Variants in OSBPL9 observed in about 807,000 individuals in gnomAD.
OSBPL9 encodes the protein oxysterol-binding protein-related protein 9.
In OSBPL9, 40 loss-of-function variants were observed where a neutral mutation model predicts 106.6. That is an observed-to-expected ratio of 0.38 (90% CI 0.29 to 0.49). The LOEUF is 0.49. Ranked by LOEUF, OSBPL9 falls within the 20% of genes least tolerant of loss-of-function variation. The probability of loss-of-function intolerance (pLI) is 0.97; values close to 1 mark genes in which losing one functional copy is unlikely to be tolerated. For synonymous variants in OSBPL9, 269 were observed against 295.4 expected (o/e 0.91, Z 0.92); for missense variants, 609 against 887.2 (o/e 0.69, Z 3.98).
At chr1:51,756,675 A>C (rs1670404851) in intron 9 of OSBPL9, 1 of 243,444 alleles carries the variant, frequency 4.1e-6, no homozygotes, top group African/African-American at 2.2e-5. Flanking sequence ...TTCTTGTCTA[A>C]TTTCTATTTT....
chr1:51,559,367 C>T, the OSBPL9 span, among the ~76,000 whole-genome samples: 5 of 151,940 alleles, frequency 3.3e-5, no homozygotes, highest in Non-Finnish European at 7.4e-5. Flanking sequence ...AAAACATGCT[C>T]GCAAGGGTAA....
chr1:51,640,771 A>G (rs1645738239), intron 1 of OSBPL9, among the ~76,000 whole-genome samples: 1 of 151,980 alleles, frequency 6.6e-6, no homozygotes, highest in African/African-American at 2.4e-5. Context: ...TCTGAAAGAT[A>G]GGGTGGGAAT....
chr1:51,586,810 G>A (rs1443969649), intron 1 of OSBPL9, among the ~76,000 whole-genome samples: 2 of 152,106 alleles, frequency 1.3e-5, no homozygotes, highest in South Asian at 4.1e-4. Context: ...TGCAGGTAAG[G>A]GACTACTGGT....
At chr1:51,553,293 TTGAACC>T in the OSBPL9 span, among the ~76,000 whole-genome samples, 1 of 152,222 alleles carries the variant, frequency 6.6e-6, no homozygotes, top group Middle Eastern at 3.4e-3. Flanking sequence ...GGTGGATTGC[TTGAACC>T]CAGGAGTTAC....
intron 1 of OSBPL9, among the ~76,000 whole-genome samples, chr1:51,628,506 C>T (rs1644906550): frequency 6.6e-6 from 1 of 151,552 alleles, no homozygotes; most frequent in African/African-American, 2.4e-5. Context: ...ATTGCTTGAA[C>T]CCGGGAGGTG....
intron 3 of OSBPL9, among the ~76,000 whole-genome samples, chr1:51,674,254 T>C (rs907731459): frequency 6.6e-6 from 1 of 151,834 alleles, no homozygotes; most frequent in Non-Finnish European, 1.5e-5. Context: ...TAATAAAAAA[T>C]TTTTATTGTA....
upstream of OSBPL9, among the ~76,000 whole-genome samples, chr1:51,614,098 T>C (rs553195525): frequency 1.3e-5 from 2 of 152,266 alleles, no homozygotes; most frequent in East Asian, 1.9e-4. Flanking sequence ...TTCTTGAAGA[T>C]GCCAAACGTC....
the OSBPL9 span, among the ~76,000 whole-genome samples, chr1:51,540,456 A>G: frequency 9.2e-5 from 14 of 151,822 alleles, no homozygotes; most frequent in Non-Finnish European, 2.9e-5. Context: ...AGAGAGCAAG[A>G]CCATCCTGGC....
intron 4 of OSBPL9, among the ~76,000 whole-genome samples, chr1:51,736,557 A>T (rs928207461): frequency 2.6e-5 from 4 of 152,146 alleles, no homozygotes; most frequent in Admixed American, 6.5e-5. Context: ...TCATAATCAA[A>T]TTTTCAAGAA....
intron 2 of OSBPL9, among the ~76,000 whole-genome samples, chr1:51,598,668 C>T (rs766106315): frequency 4.6e-5 from 7 of 152,162 alleles, no homozygotes; most frequent in Non-Finnish European, 1.0e-4. Context: ...GGAATGGCTG[C>T]TCTAGGCACT....
chr1:51,575,274 C>T (rs1417079267), upstream of OSBPL9, among the ~76,000 whole-genome samples: 1 of 152,134 alleles, frequency 6.6e-6, no homozygotes, highest in Non-Finnish European at 1.5e-5. Context: ...GATCTCGGCT[C>T]ACTGCAACCT....
chr1:51,782,441 A>AAT (rs916792591), intron 16 of OSBPL9, 118 bp from the exon 17 acceptor site: 18 of 663,140 alleles, frequency 2.7e-5, no homozygotes, highest in Middle Eastern at 3.2e-4. Flanking sequence ...CTACAATAGA[A>AAT]ATATATATAT....
chr1:51,773,083 A>C (rs1406398945), intron 14 of OSBPL9, among the ~76,000 whole-genome samples: 1 of 152,060 alleles, frequency 6.6e-6, no homozygotes, highest in Non-Finnish European at 1.5e-5. Context: ...TCTCTATGCA[A>C]ATTGGACACA....
chr1:51,729,792 G>A lies in OSBPL9; in HGVS notation c.318+15713G>A, dbSNP rs1263600615. The A allele has an allele frequency of 1.6e-6, 2 of 1,232,274 alleles. No individual in the cohort carries two copies. Among genetic ancestry groups the A allele is most frequent in the Non-Finnish European group, 2.0e-6 (2 of 980,286 alleles). The allele number at this position is 1,232,274 out of a possible 1,614,324, so 76.3% of individuals were successfully genotyped here. A position where few individuals can be genotyped will look rare whatever the true frequency, so the allele number is the denominator to read the frequency against. Reference sequence around the variant, plus strand: ...TCGGGGCGACCCCTCCGCCGGGGAGGGGACGGGAAAGGGGTGGGGGGTGAA... The same window carrying A: ...TCGGGGCGACCCCTCCGCCGGGGAGAGGACGGGAAAGGGGTGGGGGGTGAA... On this transcript the variant is annotated intron_variant, in intron 4 of 23. Coordinates refer to ENST00000428468, the MANE Select transcript of OSBPL9 (RefSeq NM_024586.6). The surrounding 1 kb of genome is among the most constrained non-coding windows in gnomAD (Gnocchi z 5.1).
chr1:51,598,160 A>G (rs907935450), exon 2 of OSBPL9: 1 of 152,260 alleles, frequency 6.6e-6, no homozygotes, highest in African/African-American at 2.4e-5. Flanking sequence ...AGGATATACA[A>G]CTGACAAGTA....
chr1:51,563,161 G>A, the OSBPL9 span, among the ~76,000 whole-genome samples: 2 of 152,170 alleles, frequency 1.3e-5, no homozygotes, highest in African/African-American at 4.8e-5. Flanking sequence ...AGTAAGCCGA[G>A]ATCACGTCAC....
At chr1:51,656,947 G>A (rs1235853701) in intron 2 of OSBPL9, among the ~76,000 whole-genome samples, 1 of 151,990 alleles carries the variant, frequency 6.6e-6, no homozygotes, top group East Asian at 1.9e-4. Flanking sequence ...CAAAGCATTG[G>A]AAATTACAGG....
rs1678397192 is a variant in OSBPL9, at chr1:51,789,056, CTCCTACAGTAACCCTGGGTT to C, written c.*1269_*1288del. ...CATTCTGCTAATTTTCCTTTGCCAGCTCCTACAGTAACCCTGGGTTTATTAGTCTCAACAAAGGATAAAAA... is the reference window on the plus strand; with the variant it reads ...CATTCTGCTAATTTTCCTTTGCCAGCTATTAGTCTCAACAAAGGATAAAAA... On this transcript the variant is annotated 3_prime_UTR_variant, in exon 24 of 24. Transcript: ENST00000428468. 3 of 658,552 alleles carry C rather than the reference CTCCTACAGTAACCCTGGGTT, an allele frequency of 4.6e-6. No homozygotes were observed. The South Asian group carries it at 5.8e-5, about 13-fold the overall frequency. The allele number at this position is 658,552 out of a possible 1,614,324, so 40.8% of individuals were successfully genotyped here.
chr1:51,592,108 CT>C (rs34379031), intron 1 of OSBPL9, among the ~76,000 whole-genome samples: 6,682 of 76,832 alleles, frequency 0.087, 55 homozygotes, highest in African/African-American at 0.22. Context: ...GTTGCTAAGG[CT>C]TTTTTTTTTT....
Sources: allele counts gnomAD v4.1 joint callset (sites outside exome capture counted in the v4.1 genomes callset), GRCh38; gene constraint gnomAD v4.1.1; non-coding constraint Gnocchi (gnomAD v3.1); transcripts MANE v1.5; gene names NCBI Gene and HGNC (gene_info 2026-07-23, HGNC 2026-07-21).